Variants in ROBO1 observed in about 807,000 individuals in gnomAD.
ROBO1 encodes roundabout guidance receptor 1, also known as roundabout homolog 1.
Under a neutral mutation model 195.9 loss-of-function variants are expected in ROBO1, and 149 were observed. That is an observed-to-expected ratio of 0.76 (90% CI 0.67 to 0.87). The LOEUF (loss-of-function observed/expected upper bound fraction) is 0.87, where lower values mean the gene tolerates loss of function less well. ROBO1 is among the 40% of genes least tolerant of loss of function. The pLI is 0.00. For missense variants in ROBO1, 1,933 were observed against 2,068.3 expected (o/e 0.93, Z 1.27); for synonymous variants, 816 against 733.2 (o/e 1.11, Z -1.82).
chr3:79,588,687 C>A (rs548928628), intron 2 of ROBO1, among the ~76,000 whole-genome samples: 1 of 151,658 alleles, frequency 6.6e-6, no homozygotes, highest in South Asian at 2.1e-4. Flanking sequence ...AGAGTTGTGG[C>A]AAGAGAAGGG....
intron 2 of ROBO1, among the ~76,000 whole-genome samples, chr3:79,309,214 A>G (rs901197034): frequency 2.0e-5 from 3 of 152,206 alleles, no homozygotes; most frequent in Non-Finnish European, 2.9e-5. Flanking sequence ...TCAGAACTAC[A>G]TGTTTATAAT....
At chr3:79,670,922 A>G (rs1435992745) in intron 1 of ROBO1, among the ~76,000 whole-genome samples, 1 of 151,854 alleles carries the variant, frequency 6.6e-6, no homozygotes, top group Non-Finnish European at 1.5e-5. Flanking sequence ...AGGAAGAACT[A>G]ATGTAATTGC....
intron 2 of ROBO1, among the ~76,000 whole-genome samples, chr3:79,181,054 T>A (rs77658577): frequency 0.14 from 21,016 of 152,140 alleles, 2,364 homozygotes; most frequent in African/African-American, 0.31. Context: ...TTATTTCTAA[T>A]TTTCCTAGAC....
At chr3:79,447,832 T>C (rs2039315200) in intron 2 of ROBO1, among the ~76,000 whole-genome samples, 1 of 152,184 alleles carries the variant, frequency 6.6e-6, no homozygotes. Context: ...AAGCTGTTTC[T>C]ACTTCTGTTA....
chr3:78,866,539 TAATAA>T lies in ROBO1; in HGVS notation c.499+72057_499+72061del, dbSNP rs1175987654. On this transcript the variant is annotated intron_variant, in intron 4 of 30. Coordinates refer to ENST00000464233, the MANE Select transcript of ROBO1 (RefSeq NM_002941.4). ...CCTTGAATGTACATGGTTTAAAAAATAATAAAATAAAGAAGCTAATATTATATAGA... is the reference window on the plus strand; with the variant it reads ...CCTTGAATGTACATGGTTTAAAAAATAATAAAGAAGCTAATATTATATAGA... 5.3e-5 allele frequency among the ~76,000 whole-genome samples: 8 copies of T among 152,188 alleles called. No homozygotes were observed. The East Asian group carries it at 1.3e-3, about 26-fold the overall frequency.
chr3:79,570,467 A>G (rs1264983166), intron 2 of ROBO1, among the ~76,000 whole-genome samples: 1 of 152,186 alleles, frequency 6.6e-6, no homozygotes, highest in Non-Finnish European at 1.5e-5. Context: ...AAATGTTGAA[A>G]TGACTGACAA....
intron 2 of ROBO1, among the ~76,000 whole-genome samples, chr3:79,220,864 T>C (rs963059259): frequency 9.9e-5 from 15 of 152,042 alleles, no homozygotes; most frequent in African/African-American, 3.6e-4. Context: ...CTTATTGACA[T>C]TTTGGGCTGG....
chr3:79,057,448 C>G (rs908402646), intron 3 of ROBO1, among the ~76,000 whole-genome samples: 3 of 152,000 alleles, frequency 2.0e-5, no homozygotes, highest in African/African-American at 7.2e-5. Flanking sequence ...AGAGACCACC[C>G]TCAGACATGG....
At chr3:78,621,286 G>C (rs562483665) in intron 26 of ROBO1, among the ~76,000 whole-genome samples, 1 of 152,006 alleles carries the variant, frequency 6.6e-6, no homozygotes, top group Non-Finnish European at 1.5e-5. Context: ...GTCTTTGTCA[G>C]CATACAAACC....
At chr3:78,855,203 T>C (rs1440325998) in intron 4 of ROBO1, among the ~76,000 whole-genome samples, 1 of 152,154 alleles carries the variant, frequency 6.6e-6, no homozygotes, top group African/African-American at 2.4e-5. Context: ...GCTGATTTCA[T>C]GTTCACCCAG....
In ROBO1 at chr3:78,989,879, C is replaced by T. The variant is rs541618003; in HGVS notation, c.173-50952G>A. 3.9e-3 allele frequency among the ~76,000 whole-genome samples: 598 copies of T among 152,048 alleles called. 5 individuals carry two copies. Among genetic ancestry groups the T allele is most frequent in the African/African-American group, 0.014 (569 of 41,496 alleles). On this transcript the variant is annotated intron_variant, in intron 3 of 30. Coordinates refer to ENST00000464233, the MANE Select transcript of ROBO1 (RefSeq NM_002941.4). ...ATTTAATATATAAATTAAGTTAATG[C>T]TCTTCTGGATTGTTTAAATATAAAT...
At chr3:78,638,864 T>C (rs1575820636) in intron 22 of ROBO1, among the ~76,000 whole-genome samples, 1 of 149,506 alleles carries the variant, frequency 6.7e-6, no homozygotes, top group East Asian at 2.0e-4. Context: ...AAGAGCGAGA[T>C]TCTATCTCAA....
intron 3 of ROBO1, among the ~76,000 whole-genome samples, chr3:79,122,370 T>C (rs921324308): frequency 6.6e-6 from 1 of 152,050 alleles, no homozygotes; most frequent in Non-Finnish European, 1.5e-5. Flanking sequence ...AGAGTGAAAC[T>C]GAAATATTTC....
intron 6 of ROBO1, 70 bp from the exon 7 acceptor site, chr3:78,717,483 C>G: frequency 7.7e-7 from 1 of 1,304,570 alleles, no homozygotes; most frequent in Non-Finnish European, 1.1e-6. Context: ...TTTAGGAGTT[C>G]AGTAAGAGCA....
At chr3:79,234,900 A>G (rs551989409) in intron 2 of ROBO1, among the ~76,000 whole-genome samples, 8 of 152,262 alleles carry the variant, frequency 5.3e-5, no homozygotes, top group Admixed American at 3.9e-4. Context: ...GACAGGATCA[A>G]TCATACCCTA....
At chr3:79,116,320 CTT>C (rs996423777) in intron 3 of ROBO1, among the ~76,000 whole-genome samples, 3 of 144,106 alleles carry the variant, frequency 2.1e-5, no homozygotes, top group South Asian at 4.5e-4. Context: ...CCTTCCTTTT[CTT>C]TTTCTTTTCT....
intron 2 of ROBO1, among the ~76,000 whole-genome samples, chr3:79,276,901 T>C (rs555402960): frequency 6.6e-6 from 1 of 152,064 alleles, no homozygotes; most frequent in South Asian, 2.1e-4. Context: ...TAAATGCAAA[T>C]CAAAAATACA....
intron 4 of ROBO1, among the ~76,000 whole-genome samples, chr3:78,878,703 G>T (rs2036004070): frequency 6.7e-6 from 1 of 150,160 alleles, no homozygotes. Flanking sequence ...AAAGTTAACA[G>T]TATCATACTT....
chr3:79,350,517 A>T (rs1268608103), intron 2 of ROBO1, among the ~76,000 whole-genome samples: 1 of 152,240 alleles, frequency 6.6e-6, no homozygotes, highest in Admixed American at 6.5e-5. Flanking sequence ...TTCATAATAG[A>T]GAAAAGGTAG....
Sources: allele counts gnomAD v4.1 joint callset (sites outside exome capture counted in the v4.1 genomes callset), GRCh38; gene constraint gnomAD v4.1.1; transcripts MANE v1.5; gene names NCBI Gene and HGNC (gene_info 2026-07-23, HGNC 2026-07-21).